The following AMBRA1 variants were observed in gnomAD, a reference collection of about 807,000 sequenced individuals.
AMBRA1 encodes activating molecule in BECN1-regulated autophagy protein 1.
Under a neutral mutation model 125.4 loss-of-function variants are expected in AMBRA1, and 47 were observed. The observed-to-expected ratio is 0.37, with a 90% CI of 0.30 to 0.48. The LOEUF (loss-of-function observed/expected upper bound fraction) is 0.48. AMBRA1 is among the 20% of genes least tolerant of loss of function. AMBRA1 has a pLI of 0.99. For missense variants in AMBRA1, 1,331 were observed against 1,693.4 expected, an observed-to-expected ratio of 0.79 and a Z score of 3.76; for synonymous variants, 626 against 655.5, an observed-to-expected ratio of 0.95 and a Z score of 0.69.
intron 14 of AMBRA1, among the ~76,000 whole-genome samples, chr11:46,429,489 T>C (rs138359469): frequency 4.9e-4 from 75 of 152,344 alleles, no homozygotes; most frequent in African/African-American, 1.6e-3. Context: ...CTAATCCTTA[T>C]TCTTGCTTTC....
At chr11:46,425,593 GC>G (rs1947087556) in intron 14 of AMBRA1, among the ~76,000 whole-genome samples, 2 of 152,080 alleles carry the variant, frequency 1.3e-5, no homozygotes, top group African/African-American at 4.8e-5. Flanking sequence ...TGTAATCCCA[GC>G]ACTTTGGGAG....
intron 7 of AMBRA1, among the ~76,000 whole-genome samples, chr11:46,516,981 A>G (rs1951518926): frequency 6.6e-6 from 1 of 151,974 alleles, no homozygotes; most frequent in Non-Finnish European, 1.5e-5. Context: ...ACCAAACAAA[A>G]TACTTCCTTG....
intron 7 of AMBRA1, among the ~76,000 whole-genome samples, chr11:46,513,363 C>T (rs559501394): frequency 1.3e-5 from 2 of 151,174 alleles, no homozygotes; most frequent in African/African-American, 4.9e-5. Context: ...ACTCCATAGG[C>T]TTTCAACTGA....
intron 7 of AMBRA1, among the ~76,000 whole-genome samples, chr11:46,516,276 C>G (rs1487113286): frequency 6.6e-6 from 1 of 152,006 alleles, no homozygotes; most frequent in Non-Finnish European, 1.5e-5. Context: ...GATGAAACAT[C>G]AGTTCTTCAT....
chr11:46,528,284 G>A (rs986626710), intron 7 of AMBRA1, among the ~76,000 whole-genome samples: 1 of 152,152 alleles, frequency 6.6e-6, no homozygotes, highest in Non-Finnish European at 1.5e-5. Context: ...CGATTCTCCT[G>A]CCTCAGCCTC....
chr11:46,478,930 G>A (rs1333445749), intron 11 of AMBRA1, among the ~76,000 whole-genome samples: 1 of 152,194 alleles, frequency 6.6e-6, no homozygotes, highest in Non-Finnish European at 1.5e-5. Context: ...TGGACGCAGT[G>A]GCTCACGCCA....
In AMBRA1 at chr11:46,493,713, A is replaced by G; in HGVS notation, c.2421-5T>C. 1.3e-6 allele frequency: 2 copies of G among 1,585,628 alleles called. No individual in the cohort carries two copies. The highest frequency in any genetic ancestry group is 1.7e-6 in the Non-Finnish European group (2 of 1,172,088). On this transcript the variant is annotated splice_polypyrimidine_tract_variant and splice_region_variant and intron_variant, in intron 10 of 17. Transcript: ENST00000683756. ...TACTCAGGCAGCAAGAAACGCCTAC[A>G]AGAAGGAATCACATGTGAAAAGCTG... is the stretch of plus-strand genomic sequence containing the variant.
intron 12 of AMBRA1, among the ~76,000 whole-genome samples, chr11:46,441,670 A>G (rs1948015745): frequency 6.6e-6 from 1 of 152,218 alleles, no homozygotes; most frequent in African/African-American, 2.4e-5. Flanking sequence ...GCACCACTGT[A>G]CTATGTATTC....
intron 14 of AMBRA1, among the ~76,000 whole-genome samples, chr11:46,427,996 G>A (rs1428521261): frequency 7.5e-6 from 1 of 133,118 alleles, no homozygotes; most frequent in African/African-American, 2.8e-5. Flanking sequence ...GCGACAGAGG[G>A]AGACTCCATG....
At chr11:46,443,629 T>C (rs779478985) in intron 11 of AMBRA1, 31 bp from the exon 12 acceptor site, 1 of 1,555,236 alleles carries the variant, frequency 6.4e-7, no homozygotes, top group South Asian at 1.1e-5. Context: ...GACAGCACAT[T>C]ATATTATTTA....
At chr11:46,417,091 C>T (rs1438881768) in intron 15 of AMBRA1, among the ~76,000 whole-genome samples, 2 of 151,040 alleles carry the variant, frequency 1.3e-5, no homozygotes, top group Non-Finnish European at 2.9e-5. Flanking sequence ...CTCACTCTGT[C>T]GCTAGGTTGG....
intron 1 of AMBRA1, among the ~76,000 whole-genome samples, chr11:46,575,205 C>G (rs1446880382): frequency 6.6e-6 from 1 of 152,098 alleles, no homozygotes; most frequent in Admixed American, 6.6e-5. Flanking sequence ...CACCTGTAAT[C>G]CCGGCACTTT....
At chr11:46,497,027 G>T (rs758698851) in intron 9 of AMBRA1, among the ~76,000 whole-genome samples, 1 of 151,804 alleles carries the variant, frequency 6.6e-6, no homozygotes, top group Non-Finnish European at 1.5e-5. Context: ...CACAAGAATC[G>T]CTTGAACCAG....
intron 1 of AMBRA1, among the ~76,000 whole-genome samples, chr11:46,560,508 C>T (rs1267536157): frequency 2.6e-5 from 4 of 152,006 alleles, no homozygotes; most frequent in South Asian, 2.1e-4. Context: ...TGATCAAAAC[C>T]GGAAATAGAA....
rs1414110089 is a variant in AMBRA1, at chr11:46,542,405, T to C, written c.1612A>G (p.Ile538Val). 1.9e-6 allele frequency: 3 copies of C among 1,613,882 alleles called. No homozygotes were observed. Among genetic ancestry groups the C allele is most frequent in the African/African-American group, 2.7e-5 (2 of 74,860 alleles). The change falls in exon 7 of 18, where the codon ATT (isoleucine) becomes GTT (valine). Residue 538 changes from isoleucine to valine, a missense_variant. Ile to Val is a conservative substitution (Grantham distance 29). Around this residue, in one of 4 missense-constraint regions of AMBRA1, gnomAD observed 689 missense variants for 776.5 expected, o/e 0.89. Transcript: ENST00000683756. This position sits in a 1 kb window ranked among gnomAD's most constrained non-coding sequence, Gnocchi z 5.9. ...QQAQEMLNNNIESERPGPSHQ... is the reference protein window; with the variant it reads ...QQAQEMLNNNVESERPGPSHQ... ...GAAGGGCCTGGCCTCTCAGATTCAA[T>C]GTTATTGTTGAGCATTTCCTGGGCC... is the stretch of plus-strand genomic sequence containing the variant.
intron 17 of AMBRA1, among the ~76,000 whole-genome samples, chr11:46,401,258 C>T (rs1021797619): frequency 6.6e-5 from 4 of 60,810 alleles, no homozygotes; most frequent in African/African-American, 1.3e-4. Context: ...CAGCTCTTTT[C>T]GAGACAGAGT....
chr11:46,560,626 A>G (rs914256894), intron 1 of AMBRA1, among the ~76,000 whole-genome samples: 1 of 152,216 alleles, frequency 6.6e-6, no homozygotes, highest in African/African-American at 2.4e-5. Flanking sequence ...TTCTGGAGAA[A>G]ACAGTGTGCT....
intron 3 of AMBRA1, 63 bp downstream of exon 3, chr11:46,547,754 C>T: frequency 6.6e-7 from 1 of 1,511,766 alleles, no homozygotes; most frequent in South Asian, 1.2e-5. Context: ...AAGATCAAGC[C>T]AGGCCAAATA....
At chr11:46,441,485 AGCCTGG>A (rs1948005250) in intron 12 of AMBRA1, among the ~76,000 whole-genome samples, 1 of 152,142 alleles carries the variant, frequency 6.6e-6, no homozygotes, top group African/African-American at 2.4e-5. Flanking sequence ...ACTGCACCCC[AGCCTGG>A]TGACAGAGCA....
Sources: allele counts gnomAD v4.1 joint callset (sites outside exome capture counted in the v4.1 genomes callset), GRCh38; gene constraint gnomAD v4.1.1; regional missense constraint gnomAD v4.1.1; non-coding constraint Gnocchi (gnomAD v3.1); transcripts MANE v1.5; gene names NCBI Gene and HGNC (gene_info 2026-07-23, HGNC 2026-07-21).